The following ANO3 variants were observed in gnomAD, a reference collection of about 807,000 sequenced individuals.
The protein encoded by ANO3 is anoctamin-3.
In ANO3, 99 loss-of-function variants were observed where a neutral mutation model predicts 144.8. That is an observed-to-expected ratio of 0.68 (90% CI 0.58 to 0.81). The LOEUF is 0.81. ANO3 is among the 30% of genes least tolerant of loss of function. The pLI, the probability that ANO3 is intolerant of heterozygous loss-of-function variation, is 0.00. For synonymous variants in ANO3, 414 were observed against 392.6 expected, an observed-to-expected ratio of 1.05 and a Z score of -0.64; for missense variants, 905 against 1,202.2, an observed-to-expected ratio of 0.75 and a Z score of 3.66.
At chr11:26,241,709 T>G (rs535270815) in intron 1 of ANO3, among the ~76,000 whole-genome samples, 2 of 152,182 alleles carry the variant, frequency 1.3e-5, no homozygotes, top group Non-Finnish European at 2.9e-5. Context: ...TTAAAGCTTA[T>G]TTTAGGTAAT....
intron 24 of ANO3, among the ~76,000 whole-genome samples, chr11:26,649,208 A>G (rs999206955): frequency 3.3e-5 from 5 of 152,200 alleles, no homozygotes; most frequent in African/African-American, 7.2e-5. Context: ...CCAGAAATAC[A>G]TATTACTAAT....
chr11:26,247,245 T>G (rs548264144), intron 1 of ANO3, among the ~76,000 whole-genome samples: 48 of 151,710 alleles, frequency 3.2e-4, no homozygotes, highest in Non-Finnish European at 5.7e-4. Flanking sequence ...TCAAAGTATA[T>G]TTTTTATATA....
intron 10 of ANO3, among the ~76,000 whole-genome samples, chr11:26,539,752 C>T (rs762592177): frequency 3.9e-5 from 6 of 152,098 alleles, no homozygotes; most frequent in South Asian, 2.1e-4. Flanking sequence ...ATATCAAATG[C>T]GTAAAATACC....
intron 1 of ANO3, among the ~76,000 whole-genome samples, chr11:26,281,238 G>A (rs565381337): frequency 2.6e-5 from 4 of 152,276 alleles, no homozygotes; most frequent in East Asian, 3.9e-4. Flanking sequence ...TTCAGAATGT[G>A]TAGTATTAAT....
At chr11:26,284,357 A>T (rs953022413) in intron 1 of ANO3, among the ~76,000 whole-genome samples, 7 of 152,152 alleles carry the variant, frequency 4.6e-5, no homozygotes, top group African/African-American at 1.7e-4. Context: ...ACGGGAAGCA[A>T]AGTAAGGGAG....
intron 1 of ANO3, among the ~76,000 whole-genome samples, chr11:26,262,748 A>G (rs1853219610): frequency 6.6e-6 from 1 of 152,014 alleles, no homozygotes; most frequent in Admixed American, 6.6e-5. Flanking sequence ...ACAGAGAGAG[A>G]GAGAGAGAGA....
intron 1 of ANO3, among the ~76,000 whole-genome samples, chr11:26,401,480 A>G (rs1270883597): frequency 1.3e-5 from 2 of 152,076 alleles, no homozygotes; most frequent in Non-Finnish European, 2.9e-5. Flanking sequence ...TTACAGCTCT[A>G]TGGTCACTGT....
At chr11:26,537,770 A>G (rs968930389) in intron 10 of ANO3, among the ~76,000 whole-genome samples, 1 of 152,168 alleles carries the variant, frequency 6.6e-6, no homozygotes, top group Non-Finnish European at 1.5e-5. Context: ...GCACCATTCC[A>G]AATAGAGGAG....
At chr11:26,521,704 G>A (rs187553457) in intron 6 of ANO3, among the ~76,000 whole-genome samples, 3 of 152,106 alleles carry the variant, frequency 2.0e-5, no homozygotes, top group East Asian at 1.9e-4. Context: ...TTTTTCTTGC[G>A]ATCCAAAGCT....
chr11:26,218,291 T>A (rs1051528799), intron 1 of ANO3, among the ~76,000 whole-genome samples: 4 of 152,090 alleles, frequency 2.6e-5, no homozygotes, highest in Non-Finnish European at 4.4e-5. Flanking sequence ...CTGTGCTTAG[T>A]AGTATTAATA....
intron 14 of ANO3, 103 bp downstream of exon 14, chr11:26,559,882 T>G: frequency 3.7e-6 from 3 of 820,084 alleles, no homozygotes; most frequent in Non-Finnish European, 6.0e-6. Context: ...ACACCATGAA[T>G]CAATTCAAAA....
At chr11:26,208,092 CT>C (rs1286234510) in intron 1 of ANO3, 1 of 152,172 alleles carries the variant, frequency 6.6e-6, no homozygotes, top group Non-Finnish European at 1.5e-5. Flanking sequence ...AGTGAGAAGT[CT>C]TTCTTGAATC....
intron 1 of ANO3, among the ~76,000 whole-genome samples, chr11:26,202,946 C>T (rs1036374681): frequency 5.3e-5 from 8 of 152,052 alleles, no homozygotes; most frequent in African/African-American, 2.4e-5. Flanking sequence ...AACAGACAGT[C>T]GTTAAATGAG....
At chr11:26,362,634 A>C (rs1300350873) in intron 1 of ANO3, among the ~76,000 whole-genome samples, 1 of 152,172 alleles carries the variant, frequency 6.6e-6, no homozygotes, top group African/African-American at 2.4e-5. Flanking sequence ...TCATCTTCTA[A>C]ATTAGTTCAT....
At chr11:26,249,972 A>C (rs1338963116) in intron 1 of ANO3, among the ~76,000 whole-genome samples, 6 of 152,204 alleles carry the variant, frequency 3.9e-5, no homozygotes. Context: ...GAAGGAATAA[A>C]GAGTACGAAA....
At chr11:26,638,877 C>A (rs1565158686) in intron 20 of ANO3, among the ~76,000 whole-genome samples, 1 of 152,148 alleles carries the variant, frequency 6.6e-6, no homozygotes. Flanking sequence ...TCATGCCTAA[C>A]ACAGAGCTTG....
intron 1 of ANO3, among the ~76,000 whole-genome samples, chr11:26,363,274 A>G (rs1855975632): frequency 6.6e-6 from 1 of 152,174 alleles, no homozygotes; most frequent in Admixed American, 6.5e-5. Flanking sequence ...GTTGATGCCC[A>G]TTATTAGGGT....
intron 17 of ANO3, among the ~76,000 whole-genome samples, chr11:26,615,119 T>A (rs1408711429): frequency 6.6e-6 from 1 of 150,508 alleles, no homozygotes; most frequent in Non-Finnish European, 1.5e-5. Flanking sequence ...TTTTAAAACA[T>A]CCTACTATTT....
Position 26,442,020 on chromosome 11 carries a change from T to C in ANO3, c.149T>C (p.Leu50Ser). 2 of 1,614,190 alleles carry C rather than the reference T, an allele frequency of 1.2e-6. No homozygotes were observed. The highest frequency in any genetic ancestry group is 1.7e-6 in the Non-Finnish European group (2 of 1,180,020). Residue 50 changes from leucine (L) to serine (S), a missense_variant, in exon 2 of 27, where the codon TTG (leucine) becomes TCG (serine). Physicochemically the swap from Leu to Ser is moderately radical, Grantham distance 145. This residue lies in a region of ANO3 where 174 missense variants were observed against 171.9 expected (regional missense o/e 1.01). Transcript: ENST00000256737. Reference protein sequence around the residue: ...LAQSYAYSKSLSQSTSLFQST... With the variant: ...LAQSYAYSKSSSQSTSLFQST... Reference sequence around the variant, plus strand: ...CAGAGCTACGCTTACTCAAAGAGCTTGAGCCAGTCTACTTCCCTCTTCCAG... The same window carrying C: ...CAGAGCTACGCTTACTCAAAGAGCTCGAGCCAGTCTACTTCCCTCTTCCAG...
Sources: allele counts gnomAD v4.1 joint callset (sites outside exome capture counted in the v4.1 genomes callset), GRCh38; gene constraint gnomAD v4.1.1; regional missense constraint gnomAD v4.1.1; transcripts MANE v1.5; gene names NCBI Gene and HGNC (gene_info 2026-07-23, HGNC 2026-07-21).